The following MACROD2 variants were observed in gnomAD, a reference collection of about 807,000 sequenced individuals.
MACROD2 encodes ADP-ribose glycohydrolase MACROD2.
In MACROD2, 36 loss-of-function variants were observed where a neutral mutation model predicts 70.4. The observed-to-expected ratio is 0.51, with a 90% CI of 0.39 to 0.68. MACROD2 has a LOEUF of 0.68. Among genes scored for constraint, MACROD2 ranks in the 30% least tolerant of loss-of-function variants. The pLI, the probability that MACROD2 is intolerant of heterozygous loss-of-function variation, is 0.00. For missense variants in MACROD2, 496 were observed against 538.4 expected, an observed-to-expected ratio of 0.92 and a Z score of 0.78; for synonymous variants, 172 against 178.8, an observed-to-expected ratio of 0.96 and a Z score of 0.30.
chr20:15,357,564 C>T (rs1202679975), intron 6 of MACROD2, among the ~76,000 whole-genome samples: 1 of 151,942 alleles, frequency 6.6e-6, no homozygotes, highest in Non-Finnish European at 1.5e-5. Flanking sequence ...GACCAATATC[C>T]AGATAATTAA....
At chr20:15,465,417 G>A (rs1389868474) in intron 7 of MACROD2, among the ~76,000 whole-genome samples, 1 of 152,272 alleles carries the variant, frequency 6.6e-6, no homozygotes, top group Admixed American at 6.5e-5. Context: ...AGCTCTGTCT[G>A]TGTTAAGAGC....
intron 10 of MACROD2, among the ~76,000 whole-genome samples, chr20:15,924,091 T>C (rs1001013260): frequency 1.3e-5 from 2 of 152,216 alleles, no homozygotes; most frequent in African/African-American, 4.8e-5. Context: ...AACCCATATA[T>C]TGCTTTCATC....
chr20:14,215,380 A>ACC (rs1569209939), intron 3 of MACROD2, among the ~76,000 whole-genome samples: 5 of 147,168 alleles, frequency 3.4e-5, no homozygotes, highest in Non-Finnish European at 6.0e-5. Context: ...ACACACACAC[A>ACC]CCACAGTTTC....
At chr20:14,742,816 G>C (rs1183484801) in intron 5 of MACROD2, among the ~76,000 whole-genome samples, 1 of 150,948 alleles carries the variant, frequency 6.6e-6, no homozygotes, top group Non-Finnish European at 1.5e-5. Flanking sequence ...GCCCAGGCTG[G>C]AGTGCAGTGA....
chr20:15,703,258 C>T (rs1909104894), intron 8 of MACROD2, among the ~76,000 whole-genome samples: 1 of 152,204 alleles, frequency 6.6e-6, no homozygotes, highest in Non-Finnish European at 1.5e-5. Context: ...CACATTGTGA[C>T]ACCAAACCAT....
chr20:15,860,144 AAC>A (rs2064405630), intron 8 of MACROD2, among the ~76,000 whole-genome samples: 1 of 152,072 alleles, frequency 6.6e-6, no homozygotes, highest in Non-Finnish European at 1.5e-5. Flanking sequence ...CAAAAAAACA[AAC>A]ACACACAAAA....
At chr20:15,936,740 G>A (rs567662881) in intron 11 of MACROD2, among the ~76,000 whole-genome samples, 26 of 150,540 alleles carry the variant, frequency 1.7e-4, no homozygotes, top group Non-Finnish European at 3.1e-4. Context: ...TAGTAATCCT[G>A]CCTGTCTAGA....
intron 5 of MACROD2, among the ~76,000 whole-genome samples, chr20:14,721,054 C>T (rs936328245): frequency 4.0e-5 from 6 of 151,392 alleles, no homozygotes; most frequent in East Asian, 2.0e-4. Context: ...CGGGAGTTAG[C>T]GACCAGCCTG....
At chr20:14,650,771 C>G (rs1985637398) in intron 4 of MACROD2, among the ~76,000 whole-genome samples, 1 of 152,178 alleles carries the variant, frequency 6.6e-6, no homozygotes, top group Non-Finnish European at 1.5e-5. Context: ...GTTAATAACC[C>G]TTCGCACTAC....
chr20:15,924,731 A>AT (rs1568644486), intron 10 of MACROD2, among the ~76,000 whole-genome samples: 1 of 152,226 alleles, frequency 6.6e-6, no homozygotes, highest in Admixed American at 6.5e-5. Flanking sequence ...GAATTTATTC[A>AT]TGGGATGATT....
At chr20:15,134,830 TAAAA>T (rs1309077091) in intron 5 of MACROD2, among the ~76,000 whole-genome samples, 1 of 150,936 alleles carries the variant, frequency 6.6e-6, no homozygotes, top group Non-Finnish European at 1.5e-5. Context: ...GCAAGACTAA[TAAAA>T]AAAGAGAGAA....
intron 3 of MACROD2, among the ~76,000 whole-genome samples, chr20:14,270,718 A>AG (rs1232244351): frequency 5.3e-5 from 8 of 152,182 alleles, no homozygotes; most frequent in African/African-American, 2.4e-5. Flanking sequence ...TTCAGGTGAG[A>AG]GAGCCAAGAT....
At chr20:14,499,173 T>A (rs2084889398) in intron 4 of MACROD2, among the ~76,000 whole-genome samples, 1 of 152,136 alleles carries the variant, frequency 6.6e-6, no homozygotes, top group Non-Finnish European at 1.5e-5. Flanking sequence ...GCCTTTTTAC[T>A]CAGGCAGGGA....
chr20:14,006,182 A>T (rs994076603), intron 2 of MACROD2, among the ~76,000 whole-genome samples: 2 of 152,168 alleles, frequency 1.3e-5, no homozygotes, highest in African/African-American at 2.4e-5. Flanking sequence ...CTAGGTGTGT[A>T]TAGACTGTGT....
At chr20:14,448,441 C>A (rs781005407) in intron 3 of MACROD2, among the ~76,000 whole-genome samples, 1 of 151,882 alleles carries the variant, frequency 6.6e-6, no homozygotes, top group Non-Finnish European at 1.5e-5. Context: ...CTTTGGGAGG[C>A]CGAGGTGGGC....
At chr20:14,227,260 A>C (rs547900980) in intron 3 of MACROD2, among the ~76,000 whole-genome samples, 3 of 152,252 alleles carry the variant, frequency 2.0e-5, no homozygotes, top group East Asian at 3.9e-4. Context: ...AGATAAGAGA[A>C]TAAAAGCAGG....
chr20:14,756,142 C>T (rs1441154804), intron 5 of MACROD2, among the ~76,000 whole-genome samples: 1 of 152,140 alleles, frequency 6.6e-6, no homozygotes, highest in East Asian at 1.9e-4. Flanking sequence ...TGACCAGAAA[C>T]ATCTCCTGTC....
At chr20:15,265,427 C>T (rs1265058523) in intron 6 of MACROD2, among the ~76,000 whole-genome samples, 1 of 152,214 alleles carries the variant, frequency 6.6e-6, no homozygotes, top group Non-Finnish European at 1.5e-5. Flanking sequence ...AATTCAGCCA[C>T]ATGTTTACCC....
chr20:14,333,909 G>A (rs1024914387), intron 3 of MACROD2, among the ~76,000 whole-genome samples: 2 of 152,148 alleles, frequency 1.3e-5, no homozygotes, highest in African/African-American at 4.8e-5. Context: ...TGGTCTGTGG[G>A]TTTTCTCTTC....
Sources: gnomAD v4.1 joint callset for allele counts (sites outside exome capture counted in the v4.1 genomes callset) on GRCh38, gnomAD v4.1.1 for gene constraint, MANE v1.5 for transcripts, NCBI Gene and HGNC (gene_info 2026-07-23, HGNC 2026-07-21) for gene names.